ATL1: variants seen among roughly 807,000 people sequenced by gnomAD.
The protein encoded by ATL1 is atlastin-1.
Under a neutral mutation model 75.5 loss-of-function variants are expected in ATL1, and 31 were observed. The ratio of observed to expected loss-of-function variants is 0.41; its 90% CI spans 0.31 to 0.55. The LOEUF (loss-of-function observed/expected upper bound fraction) is 0.55. ATL1 is among the 20% of genes least tolerant of loss of function. The pLI is 0.27. For missense variants in ATL1, 405 were observed against 662.6 expected (o/e 0.61, Z 4.27); for synonymous variants, 226 against 233.3 (o/e 0.97, Z 0.28).
intron 4 of ATL1, 122 bp from the exon 5 acceptor site, chr14:50,593,723 TA>T: frequency 1.5e-6 from 1 of 646,818 alleles, no homozygotes. Context: ...AAATATCATG[TA>T]AGCATGTACA....
intron 6 of ATL1, among the ~76,000 whole-genome samples, chr14:50,612,374 T>C (rs1267946641): frequency 6.6e-6 from 1 of 152,110 alleles, no homozygotes; most frequent in African/African-American, 2.4e-5. Flanking sequence ...AGTTATATAC[T>C]TAATGTGCAG....
chr14:50,584,872 T>C (rs1384160636), intron 1 of ATL1, among the ~76,000 whole-genome samples: 1 of 152,030 alleles, frequency 6.6e-6, no homozygotes, highest in African/African-American at 2.4e-5. Flanking sequence ...TAAGAATGCC[T>C]TTTCATCAAT....
chr14:50,562,266 G>GAT (rs1293717892), intron 1 of ATL1, among the ~76,000 whole-genome samples: 2 of 152,034 alleles, frequency 1.3e-5, no homozygotes, highest in African/African-American at 4.8e-5. Context: ...GGATGGTTTC[G>GAT]ATCTCCTGAC....
chr14:50,590,867 GA>G, intron 2 of ATL1, 73 bp from the exon 3 acceptor site: 1 of 1,478,324 alleles, frequency 6.8e-7, no homozygotes, highest in Non-Finnish European at 9.4e-7. Flanking sequence ...AGAGGGATAA[GA>G]ATCAGAATGA....
At chr14:50,620,507 G>A in intron 8 of ATL1, 92 bp from the exon 9 acceptor site, 33 of 1,373,708 alleles carry the variant, frequency 2.4e-5, no homozygotes, top group Non-Finnish European at 3.3e-5. Context: ...TCACTGGGGA[G>A]GAAATGGGGG....
In ATL1 at chr14:50,591,651, G is replaced by A; in HGVS notation, c.522+12G>A. 4 of 1,579,180 alleles carry A rather than the reference G, an allele frequency of 2.5e-6. No individual in the cohort carries two copies. Among genetic ancestry groups the A allele is most frequent in the South Asian group, 1.1e-5 (1 of 90,348 alleles). ...TCAGCTCAATACAGGTATGAAATAA[G>A]CCCATTTTGATGATGTTTCTTTAAC... is the stretch of plus-strand genomic sequence containing the variant. On this transcript the variant is annotated intron_variant, in intron 4 of 13. Transcript: ENST00000358385.
chr14:50,630,225 A>C (rs575936345), intron 13 of ATL1, among the ~76,000 whole-genome samples: 2 of 152,320 alleles, frequency 1.3e-5, no homozygotes, highest in South Asian at 2.1e-4. Flanking sequence ...CACACACACA[A>C]AAACTAAGAA....
At chr14:50,590,503 A>G (rs2039145754) in intron 2 of ATL1, among the ~76,000 whole-genome samples, 1 of 152,040 alleles carries the variant, frequency 6.6e-6, no homozygotes, top group Non-Finnish European at 1.5e-5. Context: ...GCCTTCTCCA[A>G]ATTTGCTTCC....
At chr14:50,623,153 T>A (rs1390142228) in intron 10 of ATL1, 24 bp from the exon 11 acceptor site, 2 of 1,607,864 alleles carry the variant, frequency 1.2e-6, no homozygotes, top group East Asian at 4.5e-5. Context: ...GCATTTTACA[T>A]CATATTTTGT....
chr14:50,560,470 G>T, intron 1 of ATL1, 171 bp downstream of exon 1: 3 of 869,774 alleles, frequency 3.4e-6, no homozygotes, highest in Non-Finnish European at 5.4e-6. Flanking sequence ...ATGGCCGAGC[G>T]GTACCCGCGT....
intron 6 of ATL1, among the ~76,000 whole-genome samples, chr14:50,607,824 C>T (rs1053929377): frequency 1.3e-5 from 2 of 151,980 alleles, no homozygotes; most frequent in South Asian, 2.1e-4. Flanking sequence ...ACATAGTCAA[C>T]TCATGTGTTG....
intron 6 of ATL1, among the ~76,000 whole-genome samples, chr14:50,601,166 ACT>A (rs2039268761): frequency 6.6e-6 from 1 of 152,150 alleles, no homozygotes; most frequent in African/African-American, 2.4e-5. Flanking sequence ...AGAATTCTTA[ACT>A]CTGAAATACA....
intron 12 of ATL1, 113 bp downstream of exon 12, chr14:50,628,575 C>T: frequency 1.8e-6 from 2 of 1,126,238 alleles, no homozygotes; most frequent in Non-Finnish European, 2.6e-6. Flanking sequence ...GGGCCCCAGT[C>T]ATCAAGAATG....
chr14:50,538,943 C>T (rs2038527385), intron 1 of ATL1, among the ~76,000 whole-genome samples: 1 of 152,206 alleles, frequency 6.6e-6, no homozygotes, highest in Admixed American at 6.5e-5. Context: ...CCTCAGCCTC[C>T]CAAGTAGCTG....
chr14:50,611,969 T>C lies in ATL1; in HGVS notation c.631-1290T>C, dbSNP rs182524791. On this transcript the variant is annotated intron_variant, in intron 6 of 13. Coordinates refer to ENST00000358385, the MANE Select transcript of ATL1 (RefSeq NM_015915.5). ...AGAGCAGAAGACATATGAATGTTCA[T>C]AGCAGCACTATTCATGCCAGCCAAG... Among the ~76,000 whole-genome samples the C allele has an allele frequency of 3.0e-4, 45 of 152,268 alleles. 1 individual carries two copies. Among genetic ancestry groups the C allele is most frequent in the Admixed American group, 2.3e-3 (35 of 15,266 alleles).
At chr14:50,623,896 C>CAA (rs11402191) in intron 11 of ATL1, among the ~76,000 whole-genome samples, 13 of 151,078 alleles carry the variant, frequency 8.6e-5, no homozygotes, top group Admixed American at 2.0e-4. Context: ...ACTAAAATAA[C>CAA]AAAAAAAAAT....
At chr14:50,610,221 G>C (rs750018827) in intron 6 of ATL1, among the ~76,000 whole-genome samples, 2 of 152,002 alleles carry the variant, frequency 1.3e-5, no homozygotes, top group Non-Finnish European at 2.9e-5. Flanking sequence ...TATTTCCCTA[G>C]GGAAAACTGA....
At chr14:50,620,824 C>A in intron 9 of ATL1, 98 bp downstream of exon 9, 2 of 1,387,716 alleles carry the variant, frequency 1.4e-6, no homozygotes, top group Admixed American at 1.8e-5. Context: ...AATATGGGAG[C>A]AAAGGTACGA....
chr14:50,619,595 T>C (rs568151639), intron 8 of ATL1, among the ~76,000 whole-genome samples: 4 of 152,366 alleles, frequency 2.6e-5, no homozygotes, highest in African/African-American at 9.6e-5. Context: ...ATTACTTTGC[T>C]AAGTCTGTAA....
Sources: gnomAD v4.1 joint callset for allele counts (sites outside exome capture counted in the v4.1 genomes callset) on GRCh38, gnomAD v4.1.1 for gene constraint, MANE v1.5 for transcripts, NCBI Gene and HGNC (gene_info 2026-07-23, HGNC 2026-07-21) for gene names.